Variants in DERL1 observed in about 807,000 individuals in gnomAD.
The protein encoded by DERL1 is derlin-1.
A neutral mutation model predicts 41.6 loss-of-function variants in DERL1; 24 were observed. The ratio of observed to expected loss-of-function variants is 0.58; its 90% CI spans 0.42 to 0.81. The LOEUF is 0.81. DERL1 is among the 30% of genes least tolerant of loss of function. DERL1 has a pLI of 0.00. For missense variants in DERL1, 260 were observed against 314.3 expected (o/e 0.83, Z 1.31); for synonymous variants, 124 against 112.5 (o/e 1.10, Z -0.65).
At chr8:123,019,145 T>TAAGAAC in intron 7 of DERL1, 50 bp downstream of exon 7, 1 of 1,298,010 alleles carries the variant, frequency 7.7e-7, no homozygotes. Context: ...TAGGATGCAC[T>TAAGAAC]AAGAACACAG....
At chr8:123,037,620 T>C (rs983295169) in intron 1 of DERL1, among the ~76,000 whole-genome samples, 10 of 152,230 alleles carry the variant, frequency 6.6e-5, no homozygotes, top group African/African-American at 1.9e-4. Flanking sequence ...TATGATTGAT[T>C]TGGAAGAAAT....
chr8:123,032,863 CTTT>C (rs200724608), intron 1 of DERL1, among the ~76,000 whole-genome samples: 39 of 122,000 alleles, frequency 3.2e-4, no homozygotes, highest in African/African-American at 4.9e-4. Flanking sequence ...TTTCTATTTT[CTTT>C]TTTTTTTTTT....
chr8:123,023,633 T>C (rs2130468138), intron 4 of DERL1, 80 bp downstream of exon 4: 2 of 1,413,442 alleles, frequency 1.4e-6, no homozygotes, highest in East Asian at 4.9e-5. Flanking sequence ...GTTAATGCAA[T>C]TTCAACTTCT....
rs551964270 is a variant in DERL1, at chr8:123,014,653, T to A, written c.*794A>T. The A allele has an allele frequency of 6.6e-6, 1 of 152,284 alleles. No individual in the cohort carries two copies. The highest frequency in any genetic ancestry group is 1.9e-4 in the East Asian group (1 of 5,176). 9.4% of individuals were successfully genotyped at this position (152,284 alleles called of 1,614,324 possible). ...ACATATGAAACGCAAAGGGGTTGCA[T>A]CCCCCATGGTTTAAACCTAACCCAT... On this transcript the variant is annotated 3_prime_UTR_variant, in exon 8 of 8. Transcript: ENST00000259512.
In DERL1 at chr8:123,015,512, C is replaced by T; in HGVS notation, c.691G>A (p.Ala231Thr). Reference sequence around the variant, plus strand: ...CTCCCGCCTCCGCCATTCTGATCAGCAGCTCGCCTCATGCTAGCAGGGGGC... The same window carrying T: ...CTCCCGCCTCCGCCATTCTGATCAGTAGCTCGCCTCATGCTAGCAGGGGGC... ...GVPPASMRRA[A>T]DQNGGGGRHN... The change falls in exon 8 of 8, where the codon GCT becomes ACT. Residue 231 changes from alanine (A) to threonine (T), a missense_variant. Physicochemically the swap from Ala to Thr is moderately conservative, Grantham distance 58. Transcript: ENST00000259512. The T allele has an allele frequency of 1.9e-6, 3 of 1,613,534 alleles. No individual in the cohort carries two copies. Among genetic ancestry groups the T allele is most frequent in the Non-Finnish European group, 2.5e-6 (3 of 1,179,788 alleles).
rs1375736168 is a variant in DERL1 at position 123,042,130 on chromosome 8, C to T, written c.-8G>A. The T allele has an allele frequency of 6.2e-7, 1 of 1,600,780 alleles. No individual in the cohort carries two copies. Among genetic ancestry groups the T allele is most frequent in the East Asian group, 2.3e-5 (1 of 44,358 alleles). On this transcript the variant is annotated 5_prime_UTR_variant, in exon 1 of 8. Coordinates refer to ENST00000259512, the MANE Select transcript of DERL1 (RefSeq NM_024295.6). ...GTCTCCGATGTCCGACATCTTCGAC[C>T]CACAGGTAGCCAAGATGCACAAGAC...
chr8:123,036,739 T>C (rs1383651674), intron 1 of DERL1, among the ~76,000 whole-genome samples: 4 of 152,216 alleles, frequency 2.6e-5, no homozygotes, highest in African/African-American at 7.2e-5. Flanking sequence ...TAGAGTTCTA[T>C]AGCCAAACCT....
chr8:123,023,659 T>G, intron 4 of DERL1, 54 bp downstream of exon 4: 1 of 1,571,112 alleles, frequency 6.4e-7, no homozygotes, highest in Non-Finnish European at 8.7e-7. Flanking sequence ...AGGCCACTAA[T>G]AGTATATTTG....
At chr8:123,030,502 T>C in intron 2 of DERL1, 103 bp downstream of exon 2, 1 of 789,578 alleles carries the variant, frequency 1.3e-6, no homozygotes, top group South Asian at 1.9e-5. Context: ...CTTTATGCAG[T>C]TTCTTTTTGT....
intron 1 of DERL1, among the ~76,000 whole-genome samples, chr8:123,031,978 G>C (rs76921045): frequency 0.07 from 10,609 of 152,162 alleles, 366 homozygotes; most frequent in Middle Eastern, 0.095. Flanking sequence ...CTAAAAAGTA[G>C]ATGAATCCTG....
At position 123,042,302 on chromosome 8, in the gene DERL1, T is replaced by A. The variant is rs1813101446; in HGVS notation, c.-180A>T. 4.8e-6 allele frequency: 4 copies of A among 827,338 alleles called. No individual in the cohort carries two copies. Among genetic ancestry groups the A allele is most frequent in the Non-Finnish European group, 5.3e-6 (3 of 570,756 alleles). 51.2% of individuals were successfully genotyped at this position (827,338 alleles called of 1,614,324 possible). A position where few individuals can be genotyped will look rare whatever the true frequency, so the allele number is the denominator to read the frequency against. ...AATTCGGACCAGCGAGGCAGCCTTC[T>A]GAGGCGAAACTTCCCCTTCCGGCGA... On this transcript the variant is annotated 5_prime_UTR_variant, in exon 1 of 8. Transcript: ENST00000259512.
At chr8:123,034,606 G>T (rs921294262) in intron 1 of DERL1, among the ~76,000 whole-genome samples, 1 of 152,198 alleles carries the variant, frequency 6.6e-6, no homozygotes, top group Non-Finnish European at 1.5e-5. Context: ...ATCCCAGACA[G>T]TCTGACTCCA....
Position 123,015,472 on chromosome 8 carries a change from T to G in DERL1, c.731A>C (p.Gln244Pro). The part of the protein sequence containing the change: ...NGGGGRHNWG[Q>P]GFRLGDQ ...TCACTGGTCTCCAAGTCGAAAGCCC[T>G]GGCCCCAGTTGTGTCTCCCGCCTCC... The change falls in exon 8 of 8, where the codon CAG becomes CCG. Residue 244 changes from glutamine (Q) to proline (P), a missense_variant. Coordinates refer to ENST00000259512, the MANE Select transcript of DERL1 (RefSeq NM_024295.6). 6.2e-7 allele frequency: 1 copy of G among 1,613,478 alleles called. No individual in the cohort carries two copies. Among genetic ancestry groups the G allele is most frequent in the South Asian group, 1.1e-5 (1 of 90,840 alleles).
At chr8:123,028,083 A>T (rs1355918175) in intron 2 of DERL1, among the ~76,000 whole-genome samples, 2 of 146,928 alleles carry the variant, frequency 1.4e-5, no homozygotes, top group African/African-American at 2.5e-5. Flanking sequence ...AAAAAAAAAA[A>T]GTGGCCATGG....
At chr8:123,019,773 C>G (rs1814708588) in intron 6 of DERL1, among the ~76,000 whole-genome samples, 1 of 152,176 alleles carries the variant, frequency 6.6e-6, no homozygotes, top group African/African-American at 2.4e-5. Flanking sequence ...TTCTCCCTTG[C>G]CTCTTGTATC....
chr8:123,031,344 A>G (rs1190565647), intron 1 of DERL1, among the ~76,000 whole-genome samples: 1 of 152,144 alleles, frequency 6.6e-6, no homozygotes, highest in Non-Finnish European at 1.5e-5. Flanking sequence ...CAAAAGTTCA[A>G]GACCAGCCAG....
rs142811991 is a variant in DERL1, at chr8:123,032,433, C to A, written c.154-1717G>T. Reference sequence around the variant, plus strand: ...TACAGGCATGAGCCATCGCACCTGGCTGCATTTCCTCATACATTATGAAAT... The same window carrying A: ...TACAGGCATGAGCCATCGCACCTGGATGCATTTCCTCATACATTATGAAAT... On this transcript the variant is annotated intron_variant, in intron 1 of 7. Coordinates refer to ENST00000259512, the MANE Select transcript of DERL1 (RefSeq NM_024295.6). Among the ~76,000 whole-genome samples, 204 of 152,324 alleles carry A rather than the reference C, an allele frequency of 1.3e-3. 1 individual carries two copies. The highest frequency in any genetic ancestry group is 4.5e-3 in the African/African-American group (185 of 41,568).
rs1812598753 is a variant in DERL1 at position 123,022,925 on chromosome 8, T to C, written c.358-146A>G. On this transcript the variant is annotated intron_variant, in intron 4 of 7. Transcript: ENST00000259512. The stretch of plus-strand genomic sequence containing the variant: ...ACTGATCAGAATTATAAATTGATCC[T>C]ATTATTTATCATACAATAAATATTA... 7.0e-6 allele frequency: 4 copies of C among 567,614 alleles called. No homozygotes were observed. In the East Asian group the frequency reaches 1.1e-4, roughly 16 times the overall value. The allele number at this position is 567,614 out of a possible 1,614,324, so 35.2% of individuals were successfully genotyped here.
In DERL1 at chr8:123,013,859, T is replaced by C. The variant is rs916010843; in HGVS notation, c.*1588A>G. The C allele has an allele frequency of 6.6e-6, 1 of 152,168 alleles. No individual in the cohort carries two copies. Among genetic ancestry groups the C allele is most frequent in the Non-Finnish European group, 1.5e-5 (1 of 68,030 alleles). The allele number at this position is 152,168 out of a possible 1,614,324, so 9.4% of individuals were successfully genotyped here. A position where few individuals can be genotyped will look rare whatever the true frequency, so the allele number is the denominator to read the frequency against. On this transcript the variant is annotated 3_prime_UTR_variant, in exon 8 of 8. Coordinates refer to ENST00000259512, the MANE Select transcript of DERL1 (RefSeq NM_024295.6). ...AACATGACAGTTAAGGTTCAGACTC[T>C]CCCCACCTATTTTATCATATAAATT...
Sources: gnomAD v4.1 joint callset for allele counts (sites outside exome capture counted in the v4.1 genomes callset) on GRCh38, gnomAD v4.1.1 for gene constraint, MANE v1.5 for transcripts, NCBI Gene and HGNC (gene_info 2026-07-23, HGNC 2026-07-21) for gene names.